The following TRAPPC11 variants were observed in gnomAD, a reference collection of about 807,000 sequenced individuals.
TRAPPC11 encodes the protein trafficking protein particle complex subunit 11, also known as foie gras homolog.
A neutral mutation model predicts 151.2 loss-of-function variants in TRAPPC11; 104 were observed. The ratio of observed to expected loss-of-function variants is 0.69; its 90% CI spans 0.59 to 0.81. The LOEUF (loss-of-function observed/expected upper bound fraction) is 0.81, where lower values mean the gene tolerates loss of function less well. Ranked by LOEUF, TRAPPC11 falls within the 30% of genes least tolerant of loss-of-function variation. The pLI is 0.00. For missense variants in TRAPPC11, 1,230 were observed against 1,349.6 expected (o/e 0.91, Z 1.39); for synonymous variants, 456 against 472.3 (o/e 0.97, Z 0.45).
At chr4:183,666,960 TTTATC>T in intron 3 of TRAPPC11, 95 bp from the exon 4 acceptor site, 1 of 979,128 alleles carries the variant, frequency 1.0e-6, no homozygotes, top group South Asian at 2.0e-5. Flanking sequence ...TTAGTTGAAA[TTTATC>T]TTCGGTTGAA....
chr4:183,687,024 C>T (rs930544862), intron 18 of TRAPPC11, among the ~76,000 whole-genome samples: 3 of 151,952 alleles, frequency 2.0e-5, no homozygotes, highest in Non-Finnish European at 4.4e-5. Flanking sequence ...ACTAAAAATA[C>T]AAAAAAATCT....
intron 5 of TRAPPC11, among the ~76,000 whole-genome samples, chr4:183,670,647 C>T (rs150731305): frequency 0.025 from 3,845 of 152,236 alleles, 300 homozygotes; most frequent in East Asian, 0.23. Context: ...ATTCTGTCAC[C>T]CAGACTGGAG....
chr4:183,679,263 C>A, intron 8 of TRAPPC11, 90 bp from the exon 9 acceptor site: 1 of 1,248,632 alleles, frequency 8.0e-7, no homozygotes, highest in South Asian at 1.9e-5. Context: ...TTGTCTTTTT[C>A]TAATGTTATT....
At position 183,686,746 on chromosome 4, in the gene TRAPPC11, C is replaced by G. The variant is rs759966371; in HGVS notation, c.1891C>G (p.Gln631Glu). Reference sequence around the variant, plus strand: ...CAAGCTCTGTGTCAGCTTTAATAATCAGGTAATGATGCCATGTCATGTGTT... The same window carrying G: ...CAAGCTCTGTGTCAGCTTTAATAATGAGGTAATGATGCCATGTCATGTGTT... Reference protein sequence around the residue: ...FSKLCVSFNNQEYNQFCVIEE... With the variant: ...FSKLCVSFNNEEYNQFCVIEE... Residue 631 changes from glutamine to glutamate, a missense_variant and splice_region_variant, in exon 18 of 30, where the codon CAG (glutamine) becomes GAG (glutamate). Physicochemically the swap from Gln to Glu is conservative, Grantham distance 29. Coordinates refer to ENST00000334690, the MANE Select transcript of TRAPPC11 (RefSeq NM_021942.6). The G allele has an allele frequency of 1.2e-6, 2 of 1,613,890 alleles. No individual in the cohort carries two copies. Among genetic ancestry groups the G allele is most frequent in the East Asian group, 4.5e-5 (2 of 44,876 alleles).
chr4:183,673,681 AAATGAAATGAAATGAAAT>A (rs1297221270), intron 5 of TRAPPC11, among the ~76,000 whole-genome samples: 1 of 152,162 alleles, frequency 6.6e-6, no homozygotes, highest in Non-Finnish European at 1.5e-5. Flanking sequence ...CTCAAAAATG[AAATGAAATGAAATGAAAT>A]AATGAAATGA....
intron 18 of TRAPPC11, 112 bp downstream of exon 18, chr4:183,686,860 A>C: frequency 1.5e-6 from 2 of 1,309,920 alleles, no homozygotes; most frequent in Non-Finnish European, 2.1e-6. Context: ...ATAGTAACAA[A>C]TGAACTTTGG....
At chr4:183,693,257 T>TCACG in intron 20 of TRAPPC11, 110 bp downstream of exon 20, 1 of 1,057,088 alleles carries the variant, frequency 9.5e-7, no homozygotes, top group South Asian at 1.8e-5. Flanking sequence ...AGTGGTGTGA[T>TCACG]CACGACTCAC....
intron 27 of TRAPPC11, among the ~76,000 whole-genome samples, chr4:183,705,767 G>T (rs1045622568): frequency 6.6e-6 from 1 of 152,112 alleles, no homozygotes; most frequent in African/African-American, 2.4e-5. Context: ...CAGATTCAGG[G>T]TCAAGTTTTT....
intron 14 of TRAPPC11, 38 bp from the exon 15 acceptor site, chr4:183,684,658 G>A (rs751529919): frequency 6.2e-7 from 1 of 1,604,538 alleles, no homozygotes. Flanking sequence ...ACCCTTTCTT[G>A]TGAAGCCGGT....
At position 183,697,316 on chromosome 4, in the gene TRAPPC11, G is replaced by GA. The variant is rs1561056690; in HGVS notation, c.2629-187_2629-186insA. Reference sequence around the variant, plus strand: ...CCAGAGTGAGACCCTGTCTCCCAAAGGAAAAAAAAAAAATTAGTACTCAGT... The same window carrying GA: ...CCAGAGTGAGACCCTGTCTCCCAAAGAGAAAAAAAAAAAATTAGTACTCAGT... On this transcript the variant is annotated intron_variant, in intron 23 of 29. Coordinates refer to ENST00000334690, the MANE Select transcript of TRAPPC11 (RefSeq NM_021942.6). Among the ~76,000 whole-genome samples the GA allele has an allele frequency of 0.015, 2,211 of 146,598 alleles. 53 individuals carry two copies. Among genetic ancestry groups the GA allele is most frequent in the African/African-American group, 0.053 (2,114 of 40,042 alleles).
In TRAPPC11 at chr4:183,694,629, G is replaced by A; in HGVS notation, c.2534G>A (p.Cys845Tyr). The A allele has an allele frequency of 6.2e-7, 1 of 1,612,816 alleles. No homozygotes were observed. The highest frequency in any genetic ancestry group is 8.5e-7 in the Non-Finnish European group (1 of 1,179,288). Reference protein sequence around the residue: ...EQLEKMLYVRCGTVGSRMFLV... With the variant: ...EQLEKMLYVRYGTVGSRMFLV... ...CTGGAAAAAATGTTGTATGTTCGCT[G>A]TGGAACAGTGGGTTCCAGAATGTTT... The change falls in exon 23 of 30, where the codon TGT becomes TAT. Residue 845 changes from cysteine (C) to tyrosine (Y), a missense_variant. By Grantham distance (194) the Cys-to-Tyr change is radical. Transcript: ENST00000334690.
intron 7 of TRAPPC11, among the ~76,000 whole-genome samples, chr4:183,677,086 A>G (rs1303640944): frequency 6.6e-6 from 1 of 152,116 alleles, no homozygotes; most frequent in Non-Finnish European, 1.5e-5. Context: ...TCTTGATACC[A>G]CCTTTGCTAA....
intron 26 of TRAPPC11, among the ~76,000 whole-genome samples, chr4:183,704,674 G>A (rs550852455): frequency 2.0e-4 from 31 of 151,928 alleles, no homozygotes; most frequent in Admixed American, 7.9e-4. Context: ...TTAGCCAGGC[G>A]TGGTGGCGGG....
intron 18 of TRAPPC11, among the ~76,000 whole-genome samples, chr4:183,689,153 TATTAATCC>T (rs1314162137): frequency 2.0e-5 from 3 of 152,212 alleles, no homozygotes; most frequent in Non-Finnish European, 4.4e-5. Flanking sequence ...AGGCTCTTTA[TATTAATCC>T]ATGTACAAAA....
intron 29 of TRAPPC11, among the ~76,000 whole-genome samples, chr4:183,711,042 A>G (rs1737317486): frequency 6.6e-6 from 1 of 152,016 alleles, no homozygotes; most frequent in African/African-American, 2.4e-5. Flanking sequence ...AAAAAAAAAA[A>G]TTGCCATTCT....
chr4:183,673,238 G>A lies in TRAPPC11; in HGVS notation c.561-1475G>A, dbSNP rs116775969. Among the ~76,000 whole-genome samples, 1,359 of 152,218 alleles carry A rather than the reference G, an allele frequency of 8.9e-3. 24 individuals carry two copies. The highest frequency in any genetic ancestry group is 0.031 in the African/African-American group (1,292 of 41,524). ...CTCCCAAAGTGCTGGGATTACAAGC[G>A]TGAGCACTGTGCCCGGCCCCCATTT... On this transcript the variant is annotated intron_variant, in intron 5 of 29. Coordinates refer to ENST00000334690, the MANE Select transcript of TRAPPC11 (RefSeq NM_021942.6).
intron 11 of TRAPPC11, 164 bp from the exon 12 acceptor site, chr4:183,683,811 A>G (rs1296486380): frequency 4.8e-6 from 3 of 624,482 alleles, no homozygotes; most frequent in African/African-American, 1.8e-5. Flanking sequence ...GGAAGTTTCC[A>G]TGTTAATAAA....
chr4:183,674,092 C>T (rs767751727), intron 5 of TRAPPC11, among the ~76,000 whole-genome samples: 3 of 151,800 alleles, frequency 2.0e-5, no homozygotes, highest in African/African-American at 7.3e-5. Flanking sequence ...ATAGTAGGGG[C>T]GAATGTGCTT....
chr4:183,694,676 A>G lies in TRAPPC11; in HGVS notation c.2581A>G (p.Ile861Val), dbSNP rs933226687. 2 of 1,609,478 alleles carry G rather than the reference A, an allele frequency of 1.2e-6. No individual in the cohort carries two copies. The highest frequency in any genetic ancestry group is 3.4e-5 in the Admixed American group (2 of 58,826). Reference protein sequence around the residue: ...RMFLVYVSYLINTTVEEKEIV... With the variant: ...RMFLVYVSYLVNTTVEEKEIV... The stretch of plus-strand genomic sequence containing the variant: ...GTTTCTTGTATATGTTTCTTACCTG[A>G]TAAATACAACCGTTGAAGAAAAAGA... Residue 861 changes from isoleucine to valine, a missense_variant, in exon 23 of 30, where the codon ATA (isoleucine) becomes GTA (valine). Transcript: ENST00000334690.
Sources: allele counts gnomAD v4.1 joint callset (sites outside exome capture counted in the v4.1 genomes callset), GRCh38; gene constraint gnomAD v4.1.1; transcripts MANE v1.5; gene names NCBI Gene and HGNC (gene_info 2026-07-23, HGNC 2026-07-21).